Variants in BCAS1 observed in about 807,000 individuals in gnomAD.
BCAS1 encodes the protein brain enriched myelin associated protein 1, also known as breast carcinoma-amplified sequence 1.
In BCAS1, 46 loss-of-function variants were observed where a neutral mutation model predicts 65.4. The ratio of observed to expected loss-of-function variants is 0.70; its 90% confidence interval spans 0.55 to 0.90. BCAS1 has a LOEUF of 0.90. Ranked by LOEUF, BCAS1 falls within the 40% of genes least tolerant of loss-of-function variation. The pLI, the probability that BCAS1 is intolerant of heterozygous loss-of-function variation, is 0.00. For synonymous variants in BCAS1, 298 were observed against 293.5 expected (o/e 1.02, Z -0.16); for missense variants, 793 against 771.2 (o/e 1.03, Z -0.33).
chr20:54,024,058 A>G (rs6123345), intron 4 of BCAS1, among the ~76,000 whole-genome samples: 28,127 of 152,208 alleles, frequency 0.18, 2,675 homozygotes, highest in East Asian at 0.3. Context: ...TTAACTTCTA[A>G]AAGTGTGAAC....
chr20:53,991,710 T>C (rs887588422), intron 7 of BCAS1, among the ~76,000 whole-genome samples: 2 of 152,178 alleles, frequency 1.3e-5, no homozygotes, highest in South Asian at 2.1e-4. Context: ...GGACTTTTAT[T>C]TGGGTTCAGT....
At chr20:53,987,381 G>A (rs1183040117) in intron 7 of BCAS1, among the ~76,000 whole-genome samples, 1 of 152,172 alleles carries the variant, frequency 6.6e-6, no homozygotes. Flanking sequence ...GAGCTCATAA[G>A]ATTCTGCATT....
chr20:54,004,911 T>C (rs2091148166), intron 4 of BCAS1, among the ~76,000 whole-genome samples: 1 of 152,210 alleles, frequency 6.6e-6, no homozygotes, highest in Non-Finnish European at 1.5e-5. Context: ...AGTGGGGTGA[T>C]GAGTAGCACC....
chr20:54,001,023 A>G (rs2091043184), intron 4 of BCAS1, among the ~76,000 whole-genome samples: 1 of 152,142 alleles, frequency 6.6e-6, no homozygotes, highest in Admixed American at 6.5e-5. Flanking sequence ...TTTTGTTTGC[A>G]TGTCAGACAT....
intron 7 of BCAS1, 84 bp from the exon 8 acceptor site, chr20:53,985,583 G>A: frequency 4.0e-6 from 5 of 1,238,772 alleles, no homozygotes; most frequent in South Asian, 4.0e-5. Flanking sequence ...TAATAAACAT[G>A]GGCTGAGGTT....
intron 10 of BCAS1, among the ~76,000 whole-genome samples, chr20:53,963,760 C>T (rs565836527): frequency 4.3e-4 from 66 of 152,188 alleles, no homozygotes; most frequent in Admixed American, 2.7e-3. Context: ...TGCATAAATC[C>T]GAAGACTTTG....
At chr20:54,067,707 A>G (rs1305185749) in intron 1 of BCAS1, among the ~76,000 whole-genome samples, 1 of 152,206 alleles carries the variant, frequency 6.6e-6, no homozygotes, top group Admixed American at 6.5e-5. Flanking sequence ...GCTGGCCTGG[A>G]GAAAGCACTT....
intron 6 of BCAS1, among the ~76,000 whole-genome samples, chr20:53,994,745 G>A (rs2090857151): frequency 6.6e-6 from 1 of 151,956 alleles, no homozygotes; most frequent in Non-Finnish European, 1.5e-5. Flanking sequence ...ATAAGAAATT[G>A]GTATTGTGAT....
intron 3 of BCAS1, among the ~76,000 whole-genome samples, chr20:54,055,008 A>G (rs1372948118): frequency 6.6e-6 from 1 of 152,224 alleles, no homozygotes; most frequent in Admixed American, 6.5e-5. Flanking sequence ...TATAAAAAAC[A>G]TAAATATATT....
rs1399768117 is a variant in BCAS1 at position 53,985,382 on chromosome 20, T to C, written c.1180A>G (p.Thr394Ala). ...NSKGCNPSGH[T>A]QSVTTPEPAK... Reference sequence around the variant, plus strand: ...GGTTCAGGGGTTGTCACGGACTGTGTGTGCCCCGATGGGTTGCATCCTTTG... The same window carrying C: ...GGTTCAGGGGTTGTCACGGACTGTGCGTGCCCCGATGGGTTGCATCCTTTG... Residue 394 changes from threonine to alanine, a missense_variant, in exon 8 of 13, where the codon ACA becomes GCA. By Grantham distance (58) the Thr-to-Ala change is moderately conservative. Coordinates refer to ENST00000688948, the MANE Select transcript of BCAS1 (RefSeq NM_001366298.2). 6.2e-7 allele frequency: 1 copy of C among 1,614,014 alleles called. No homozygotes were observed. Among genetic ancestry groups the C allele is most frequent in the Non-Finnish European group, 8.5e-7 (1 of 1,179,978 alleles).
intron 1 of BCAS1, among the ~76,000 whole-genome samples, chr20:54,066,474 T>C (rs768933036): frequency 2.6e-4 from 40 of 152,212 alleles, no homozygotes; most frequent in Non-Finnish European, 4.4e-4. Context: ...AATGTGTCCT[T>C]CCAAAATTCG....
At chr20:54,047,362 A>G (rs1298482241) in intron 3 of BCAS1, among the ~76,000 whole-genome samples, 2 of 152,202 alleles carry the variant, frequency 1.3e-5, no homozygotes, top group Admixed American at 1.3e-4. Flanking sequence ...GGGTGTGAAT[A>G]CCAGGAAGCA....
intron 1 of BCAS1, among the ~76,000 whole-genome samples, chr20:54,062,977 CCTACAGGACTAGGTCCAAA>C (rs2092393973): frequency 2.0e-5 from 3 of 152,310 alleles, no homozygotes; most frequent in Admixed American, 2.0e-4. Flanking sequence ...ATGAATTCAG[CCTACAGGACTAGGTCCAAA>C]CAACTGGGAA....
At chr20:53,964,222 A>G (rs961012963) in intron 10 of BCAS1, among the ~76,000 whole-genome samples, 3 of 152,246 alleles carry the variant, frequency 2.0e-5, no homozygotes, top group Non-Finnish European at 4.4e-5. Context: ...GCGGTTCTCT[A>G]TCAGGGATTG....
At chr20:54,040,633 C>G (rs971027262) in intron 3 of BCAS1, among the ~76,000 whole-genome samples, 4 of 151,084 alleles carry the variant, frequency 2.6e-5, no homozygotes, top group Non-Finnish European at 5.9e-5. Flanking sequence ...CAGTCAAAGC[C>G]ACAGCATGAT....
At chr20:53,985,600 A>G in intron 7 of BCAS1, 101 bp from the exon 8 acceptor site, 1 of 1,019,234 alleles carries the variant, frequency 9.8e-7, no homozygotes. Flanking sequence ...GGTTATACAT[A>G]ATGTTAATTT....
chr20:54,051,714 G>GTTTT (rs147951998), intron 3 of BCAS1, among the ~76,000 whole-genome samples: 6 of 129,528 alleles, frequency 4.6e-5, no homozygotes, highest in Non-Finnish European at 6.4e-5. Context: ...GACTATGCTG[G>GTTTT]TTTTTTTTTT....
At chr20:54,058,570 A>G (rs1338436892) in intron 2 of BCAS1, 77 bp downstream of exon 2, 3 of 1,540,944 alleles carry the variant, frequency 1.9e-6, no homozygotes, top group African/African-American at 2.8e-5. Flanking sequence ...TTCAGTCAAC[A>G]CACTTGTCAA....
At chr20:54,030,595 T>C (rs920992310) in intron 3 of BCAS1, among the ~76,000 whole-genome samples, 1 of 151,684 alleles carries the variant, frequency 6.6e-6, no homozygotes, top group African/African-American at 2.4e-5. Context: ...TAGTGAGAAA[T>C]ACATACACAC....
Sources: allele counts gnomAD v4.1 joint callset (sites outside exome capture counted in the v4.1 genomes callset), GRCh38; gene constraint gnomAD v4.1.1; transcripts MANE v1.5; gene names NCBI Gene and HGNC (gene_info 2026-07-23, HGNC 2026-07-21).